The following CARMIL1 variants were observed in gnomAD, a reference collection of about 807,000 sequenced individuals.
The protein encoded by CARMIL1 is capping protein regulator and myosin 1 linker 1.
In CARMIL1, 90 loss-of-function variants were observed where a neutral mutation model predicts 177.1. The ratio of observed to expected loss-of-function variants is 0.51; its 90% CI spans 0.43 to 0.61. CARMIL1 has a LOEUF of 0.61. CARMIL1 is among the 20% of genes least tolerant of loss of function. The pLI, the probability that CARMIL1 is intolerant of heterozygous loss-of-function variation, is 0.00. For synonymous variants in CARMIL1, 577 were observed against 606.2 expected, an observed-to-expected ratio of 0.95 and a Z score of 0.71; for missense variants, 1,380 against 1,667.0, an observed-to-expected ratio of 0.83 and a Z score of 3.00.
intron 2 of CARMIL1, among the ~76,000 whole-genome samples, chr6:25,288,829 C>G (rs185284254): frequency 6.6e-6 from 1 of 152,174 alleles, no homozygotes; most frequent in African/African-American, 2.4e-5. Context: ...AAGGTATGCT[C>G]TCCTCAAGTG....
At chr6:25,472,836 A>G (rs435596) in intron 11 of CARMIL1, among the ~76,000 whole-genome samples, 64,175 of 152,070 alleles carry the variant, frequency 0.42, 13,699 homozygotes, top group East Asian at 0.49. Context: ...TTATTATCTC[A>G]TACTGTCCTT....
intron 29 of CARMIL1, among the ~76,000 whole-genome samples, chr6:25,568,685 C>CT (rs549478597): frequency 2.0e-4 from 30 of 152,088 alleles, no homozygotes; most frequent in Admixed American, 3.3e-4. Flanking sequence ...GCCAAAATGA[C>CT]TTTTTTTTCT....
At chr6:25,426,963 A>G (rs1796329632) in intron 4 of CARMIL1, among the ~76,000 whole-genome samples, 1 of 152,190 alleles carries the variant, frequency 6.6e-6, no homozygotes, top group Admixed American at 6.5e-5. Flanking sequence ...ATTGGGCTAT[A>G]ACTAACTGCA....
chr6:25,472,508 A>G lies in CARMIL1; in HGVS notation c.861A>G (p.Pro287=). The G allele has an allele frequency of 6.3e-7, 1 of 1,575,596 alleles. No homozygotes were observed. The highest frequency in any genetic ancestry group is 1.2e-5 in the South Asian group (1 of 85,400). Residue 287 remains proline (P), a synonymous_variant, in exon 11 of 37, where the codon CCA becomes CCG. Transcript: ENST00000329474. ...GLHTINLAGN[P]LEDRGVSSLS... is the part of the protein sequence containing the mutation. ...ACACAATTAACCTTGCTGGCAACCCACTGGAGGATAGAGGTACTGCAGAGT... is the reference window on the plus strand; with the variant it reads ...ACACAATTAACCTTGCTGGCAACCCGCTGGAGGATAGAGGTACTGCAGAGT...
chr6:25,488,659 T>G (rs1452093456), intron 13 of CARMIL1, 74 bp downstream of exon 13: 3 of 1,176,742 alleles, frequency 2.5e-6, no homozygotes. Flanking sequence ...TAAACATGTC[T>G]TTGTAGTGCA....
Position 25,620,497 on chromosome 6 carries a change from T to G in CARMIL1, c.*914T>G, listed in dbSNP as rs974253755. 2 of 152,256 alleles carry G rather than the reference T, an allele frequency of 1.3e-5. No homozygotes were observed. Among genetic ancestry groups the G allele is most frequent in the Admixed American group, 1.3e-4 (2 of 15,290 alleles). 9.4% of individuals were successfully genotyped at this position (152,256 alleles called of 1,614,324 possible). A position where few individuals can be genotyped will look rare whatever the true frequency, so the allele number is the denominator to read the frequency against. The stretch of plus-strand genomic sequence containing the variant: ...GCTGGAAGTATTTTATTCATATGTA[T>G]ATTTATACCAATAAAATGATTTTAC... On this transcript the variant is annotated 3_prime_UTR_variant, in exon 37 of 37. Transcript: ENST00000329474.
intron 3 of CARMIL1, among the ~76,000 whole-genome samples, chr6:25,423,981 C>T (rs746502706): frequency 8.6e-5 from 13 of 151,894 alleles, no homozygotes; most frequent in South Asian, 4.2e-4. Flanking sequence ...TGATGGGTTG[C>T]GGGGACCAGG....
rs75695273 is a variant in CARMIL1 at position 25,287,042 on chromosome 6, A to G, written c.138+2133A>G. Among the ~76,000 whole-genome samples the G allele has an allele frequency of 9.2e-3, 1,398 of 152,352 alleles. 50 individuals are homozygous for G. In the East Asian group the frequency reaches 0.094, roughly 10 times the overall value. Reference sequence around the variant, plus strand: ...CTGTTACTTACTTGCATGGGCAGGAATTATTAATAGAAATACTCAAGGTCT... The same window carrying G: ...CTGTTACTTACTTGCATGGGCAGGAGTTATTAATAGAAATACTCAAGGTCT... On this transcript the variant is annotated intron_variant, in intron 2 of 36. Transcript: ENST00000329474.
chr6:25,573,590 CAA>C (rs5875051), intron 29 of CARMIL1, among the ~76,000 whole-genome samples: 12 of 69,968 alleles, frequency 1.7e-4, no homozygotes, highest in African/African-American at 2.4e-4. Context: ...TACCTCTAAG[CAA>C]AAAAAAAAAA....
At chr6:25,450,303 C>T (rs1246797053) in intron 6 of CARMIL1, 36 bp from the exon 7 acceptor site, 4 of 1,472,548 alleles carry the variant, frequency 2.7e-6, no homozygotes, top group Non-Finnish European at 3.8e-6. Flanking sequence ...CATCATTTTG[C>T]CAAAGACCTG....
chr6:25,619,371 G>T, intron 36 of CARMIL1, 76 bp from the exon 37 acceptor site: 2 of 1,444,824 alleles, frequency 1.4e-6, no homozygotes, highest in South Asian at 1.4e-5. Context: ...CAAGGCTACT[G>T]CATCTCAGCC....
At chr6:25,336,009 C>T (rs1290949945) in intron 2 of CARMIL1, among the ~76,000 whole-genome samples, 1 of 150,426 alleles carries the variant, frequency 6.6e-6, no homozygotes, top group African/African-American at 2.4e-5. Context: ...AGTCTCTCGG[C>T]CATTTGACTA....
chr6:25,475,251 A>G (rs562733793), intron 11 of CARMIL1, among the ~76,000 whole-genome samples: 2 of 152,204 alleles, frequency 1.3e-5, no homozygotes, highest in African/African-American at 4.8e-5. Context: ...TAAAATACAA[A>G]GTATTAGCTG....
At position 25,520,124 on chromosome 6, in the gene CARMIL1, G is replaced by A. The variant is rs1806400418; in HGVS notation, c.1875-120G>A. On this transcript the variant is annotated intron_variant, in intron 22 of 36. Coordinates refer to ENST00000329474, the MANE Select transcript of CARMIL1 (RefSeq NM_017640.6). ...AATCTAGGGGCCTAAATGGTCTGGT[G>A]GTTTGGAATTTTCTAAGCTACTCTT... The A allele has an allele frequency of 9.0e-6, 5 of 555,506 alleles. No homozygotes were observed. The South Asian group carries it at 1.5e-4, about 17-fold the overall frequency. 34.4% of individuals were successfully genotyped at this position (555,506 alleles called of 1,614,324 possible).
At chr6:25,319,516 A>G (rs1349583351) in intron 2 of CARMIL1, among the ~76,000 whole-genome samples, 1 of 152,062 alleles carries the variant, frequency 6.6e-6, no homozygotes, top group African/African-American at 2.4e-5. Context: ...TGAAGGGAGA[A>G]TGGTGGTCTT....
At chr6:25,546,893 A>C (rs1212415640) in intron 26 of CARMIL1, among the ~76,000 whole-genome samples, 2 of 151,862 alleles carry the variant, frequency 1.3e-5, no homozygotes, top group Non-Finnish European at 2.9e-5. Context: ...CTACTAAAAA[A>C]AATACAAAAA....
chr6:25,351,648 A>G (rs1788108249), intron 2 of CARMIL1, among the ~76,000 whole-genome samples: 1 of 152,186 alleles, frequency 6.6e-6, no homozygotes, highest in East Asian at 1.9e-4. Flanking sequence ...AGTGTTACAC[A>G]ATGGTTCAGA....
chr6:25,497,322 A>G (rs915784627), intron 16 of CARMIL1, among the ~76,000 whole-genome samples: 11 of 152,328 alleles, frequency 7.2e-5, no homozygotes, highest in African/African-American at 2.2e-4. Context: ...AGAAGTTAGT[A>G]TCATTATCCC....
intron 2 of CARMIL1, among the ~76,000 whole-genome samples, chr6:25,325,285 C>T (rs1784981129): frequency 6.6e-6 from 1 of 152,096 alleles, no homozygotes; most frequent in Admixed American, 6.5e-5. Context: ...AGTGTATATT[C>T]TATGAAAGGG....
Sources: gnomAD v4.1 joint callset for allele counts (sites outside exome capture counted in the v4.1 genomes callset) on GRCh38, gnomAD v4.1.1 for gene constraint, MANE v1.5 for transcripts, NCBI Gene and HGNC (gene_info 2026-07-23, HGNC 2026-07-21) for gene names.